The following CPA6 variants were observed in gnomAD, a reference collection of about 807,000 sequenced individuals.
CPA6 encodes the protein carboxypeptidase A6.
Under a neutral mutation model 63.3 loss-of-function variants are expected in CPA6, and 58 were observed. That is an observed-to-expected ratio of 0.92 (90% CI 0.74 to 1.14). The LOEUF is 1.14. Ranked by LOEUF, CPA6 falls within the 50% of genes most tolerant of loss-of-function variation. The pLI, the probability that CPA6 is intolerant of heterozygous loss-of-function variation, is 0.00. For missense variants in CPA6, 565 were observed against 526.6 expected (o/e 1.07, Z -0.71); for synonymous variants, 185 against 179.0 (o/e 1.03, Z -0.27).
intron 1 of CPA6, among the ~76,000 whole-genome samples, chr8:67,721,712 A>C (rs1229381481): frequency 3.9e-5 from 6 of 152,080 alleles, no homozygotes; most frequent in Admixed American, 2.0e-4. Flanking sequence ...TGGGAAAAAA[A>C]CCCCAGAAAT....
At chr8:67,466,773 A>G (rs1810935767) in intron 8 of CPA6, among the ~76,000 whole-genome samples, 1 of 152,174 alleles carries the variant, frequency 6.6e-6, no homozygotes, top group African/African-American at 2.4e-5. Context: ...GGTTGAGAAA[A>G]CATTTGAAAG....
At chr8:67,685,453 T>C (rs1471322377) in intron 1 of CPA6, among the ~76,000 whole-genome samples, 1 of 151,912 alleles carries the variant, frequency 6.6e-6, no homozygotes, top group Non-Finnish European at 1.5e-5. Flanking sequence ...CCGTCTCTAC[T>C]AAAAATACAA....
At chr8:67,671,592 G>C (rs1052659553) in intron 1 of CPA6, among the ~76,000 whole-genome samples, 1 of 152,152 alleles carries the variant, frequency 6.6e-6, no homozygotes, top group African/African-American at 2.4e-5. Flanking sequence ...CTTGACTAAA[G>C]GGCTTGCTTT....
chr8:67,526,813 G>A lies in CPA6; in HGVS notation c.193-8766C>T, dbSNP rs138175543. Among the ~76,000 whole-genome samples, 3 of 152,182 alleles carry A rather than the reference G, an allele frequency of 2.0e-5. No individual in the cohort carries two copies. In the East Asian group the frequency reaches 5.8e-4, roughly 29 times the overall value. ...ACACCACTACCCTTTTCATATAAAAGAGCCAATACCACCTTAGTTCCTGCC... is the reference window on the plus strand; with the variant it reads ...ACACCACTACCCTTTTCATATAAAAAAGCCAATACCACCTTAGTTCCTGCC... On this transcript the variant is annotated intron_variant, in intron 2 of 10. Coordinates refer to ENST00000297770, the MANE Select transcript of CPA6 (RefSeq NM_020361.5).
At chr8:67,745,899 G>T in intron 1 of CPA6, 115 bp downstream of exon 1, 1 of 610,434 alleles carries the variant, frequency 1.6e-6, no homozygotes, top group Non-Finnish European at 2.9e-6. Context: ...GACCGTGAAA[G>T]TGTGCAGATT....
intron 6 of CPA6, among the ~76,000 whole-genome samples, chr8:67,490,034 C>G (rs1390592451): frequency 6.6e-6 from 1 of 152,094 alleles, no homozygotes; most frequent in African/African-American, 2.4e-5. Flanking sequence ...TTGTAACTTT[C>G]TAAGAATTTC....
chr8:67,525,926 A>AT (rs1253029197), intron 2 of CPA6, among the ~76,000 whole-genome samples: 2 of 152,216 alleles, frequency 1.3e-5, no homozygotes, highest in Non-Finnish European at 2.9e-5. Context: ...TACAATGCAT[A>AT]TTATTTGGGT....
rs1811206993 is a variant in CPA6 at position 67,475,880 on chromosome 8, TCCTTTCTTTCTTTCTTTCTTTC to T, written c.838+7866_838+7887del. Among the ~76,000 whole-genome samples, 3 of 43,216 alleles carry T rather than the reference TCCTTTCTTTCTTTCTTTCTTTC, an allele frequency of 6.9e-5. 1 individual carries two copies. Among genetic ancestry groups the T allele is most frequent in the African/African-American group, 2.6e-4 (3 of 11,444 alleles). The allele number at this position is 43,216 out of a possible 152,430, so 28.4% of individuals were successfully genotyped here. On this transcript the variant is annotated intron_variant, in intron 8 of 10. Coordinates refer to ENST00000297770, the MANE Select transcript of CPA6 (RefSeq NM_020361.5). ...CTTTCTTTCTTTCTTTCTTTCTTTC[TCCTTTCTTTCTTTCTTTCTTTC>T]TTTCTTTCTTTCTTTCTTTCTTTCT...
intron 2 of CPA6, among the ~76,000 whole-genome samples, chr8:67,545,504 C>G (rs566240639): frequency 4.0e-5 from 6 of 151,624 alleles, no homozygotes; most frequent in South Asian, 4.2e-4. Context: ...ATGCTGCTGA[C>G]TCATGTCCCT....
At chr8:67,570,301 T>C (rs1319285168) in intron 2 of CPA6, among the ~76,000 whole-genome samples, 1 of 152,204 alleles carries the variant, frequency 6.6e-6, no homozygotes, top group Non-Finnish European at 1.5e-5. Flanking sequence ...GACTTACCTT[T>C]ACAGGAATTG....
chr8:67,630,081 G>T (rs1815288831), intron 1 of CPA6, among the ~76,000 whole-genome samples: 1 of 149,684 alleles, frequency 6.7e-6, no homozygotes, highest in Admixed American at 6.7e-5. Context: ...CTCCAGTCCG[G>T]GCGACAGAGT....
At position 67,738,048 on chromosome 8, in the gene CPA6, G is replaced by C. The variant is rs76463167; in HGVS notation, c.116+7966C>G. Reference sequence around the variant, plus strand: ...AAGAAAAAATGCACACTTTTAATTAGCTGGAAGTCCAAAATTCTAAACATC... The same window carrying C: ...AAGAAAAAATGCACACTTTTAATTACCTGGAAGTCCAAAATTCTAAACATC... On this transcript the variant is annotated intron_variant, in intron 1 of 10. Coordinates refer to ENST00000297770, the MANE Select transcript of CPA6 (RefSeq NM_020361.5). Among the ~76,000 whole-genome samples the C allele has an allele frequency of 3.1e-3, 466 of 152,178 alleles. 1 individual carries two copies. The highest frequency in any genetic ancestry group is 5.5e-3 in the Non-Finnish European group (373 of 68,012).
chr8:67,709,171 C>T (rs946229588), intron 1 of CPA6, among the ~76,000 whole-genome samples: 1 of 152,176 alleles, frequency 6.6e-6, no homozygotes, highest in African/African-American at 2.4e-5. Flanking sequence ...ACTGCGTATG[C>T]GGCCCCTGTC....
intron 1 of CPA6, among the ~76,000 whole-genome samples, chr8:67,659,800 T>C (rs897571334): frequency 6.6e-6 from 1 of 152,230 alleles, no homozygotes; most frequent in Admixed American, 6.5e-5. Flanking sequence ...TTCACATTTA[T>C]CATAAGTAAT....
At chr8:67,426,119 C>T (rs996803667) in intron 10 of CPA6, among the ~76,000 whole-genome samples, 21 of 152,126 alleles carry the variant, frequency 1.4e-4, no homozygotes, top group Non-Finnish European at 1.2e-4. Context: ...CAGGTGCATG[C>T]CACTATGCCC....
intron 1 of CPA6, among the ~76,000 whole-genome samples, chr8:67,740,028 G>A (rs1166916311): frequency 6.6e-6 from 1 of 152,176 alleles, no homozygotes; most frequent in Non-Finnish European, 1.5e-5. Flanking sequence ...CCTTAAGAGT[G>A]ACACAAGAGG....
At chr8:67,553,974 G>A (rs1160018524) in intron 2 of CPA6, among the ~76,000 whole-genome samples, 13 of 152,154 alleles carry the variant, frequency 8.5e-5, no homozygotes, top group Non-Finnish European at 7.3e-5. Flanking sequence ...ATATGTATAT[G>A]TGCTTACATG....
At chr8:67,475,836 TTTCTTTCTTTC>T (rs1563967696) in intron 8 of CPA6, among the ~76,000 whole-genome samples, 11 of 76,682 alleles carry the variant, frequency 1.4e-4, no homozygotes, top group African/African-American at 5.4e-4. Context: ...TCTTTCTTTC[TTTCTTTCTTTC>T]TTTCTTTCTT....
intron 2 of CPA6, among the ~76,000 whole-genome samples, chr8:67,606,624 C>T (rs1021810894): frequency 8.5e-5 from 13 of 152,272 alleles, no homozygotes; most frequent in African/African-American, 2.4e-4. Context: ...CAGAGGTGTG[C>T]GATCACAGAC....
Sources: gnomAD v4.1 joint callset for allele counts (sites outside exome capture counted in the v4.1 genomes callset) on GRCh38, gnomAD v4.1.1 for gene constraint, MANE v1.5 for transcripts, NCBI Gene and HGNC (gene_info 2026-07-23, HGNC 2026-07-21) for gene names.